Variants in ZNF608 observed in about 807,000 individuals in gnomAD.
ZNF608 encodes zinc finger protein 608.
A neutral mutation model predicts 109.0 loss-of-function variants in ZNF608; 12 were observed. The observed-to-expected ratio is 0.11, with a 90% CI of 0.07 to 0.18. ZNF608 has a LOEUF of 0.18. Among genes scored for constraint, ZNF608 ranks in the 10% least tolerant of loss-of-function variants. The pLI is 1.00. For synonymous variants in ZNF608, 732 were observed against 717.4 expected, an observed-to-expected ratio of 1.02 and a Z score of -0.33; for missense variants, 1,707 against 1,879.3, an observed-to-expected ratio of 0.91 and a Z score of 1.70.
chr5:124,718,603 T>A (rs1753793350), intron 2 of ZNF608, among the ~76,000 whole-genome samples: 1 of 152,160 alleles, frequency 6.6e-6, no homozygotes, highest in African/African-American at 2.4e-5. Flanking sequence ...CAAGCTCACA[T>A]CAAAAAGAAT....
intron 2 of ZNF608, among the ~76,000 whole-genome samples, chr5:124,741,330 T>G (rs1386913053): frequency 6.9e-6 from 1 of 144,730 alleles, no homozygotes; most frequent in Non-Finnish European, 1.5e-5. Flanking sequence ...CATTTAAGCA[T>G]GCATGCTATG....
At chr5:124,684,103 C>G (rs1300284298) in intron 3 of ZNF608, among the ~76,000 whole-genome samples, 2 of 152,226 alleles carry the variant, frequency 1.3e-5, no homozygotes. Context: ...GTCATGGCTA[C>G]TCATTCAACA....
At chr5:124,715,695 T>A (rs1439375246) in intron 2 of ZNF608, among the ~76,000 whole-genome samples, 1 of 152,248 alleles carries the variant, frequency 6.6e-6, no homozygotes, top group East Asian at 1.9e-4. Context: ...ACAGAAAATA[T>A]TATTTTTAAG....
chr5:124,688,746 A>G (rs1319263294), intron 3 of ZNF608, among the ~76,000 whole-genome samples: 1 of 152,218 alleles, frequency 6.6e-6, no homozygotes, highest in Non-Finnish European at 1.5e-5. Context: ...AAGCAATGTA[A>G]ATATCCATTG....
At chr5:124,660,149 C>G (rs1477353118) in intron 3 of ZNF608, among the ~76,000 whole-genome samples, 1 of 151,344 alleles carries the variant, frequency 6.6e-6, no homozygotes, top group Non-Finnish European at 1.5e-5. Context: ...CAGCCGAAAA[C>G]AGAAGAACTG....
At chr5:124,691,507 G>T (rs1580633001) in intron 3 of ZNF608, among the ~76,000 whole-genome samples, 1 of 152,148 alleles carries the variant, frequency 6.6e-6, no homozygotes, top group Non-Finnish European at 1.5e-5. Context: ...ACTGAAATCA[G>T]GATCTTGAAG....
At chr5:124,674,507 C>T (rs1751854730) in intron 3 of ZNF608, among the ~76,000 whole-genome samples, 1 of 152,134 alleles carries the variant, frequency 6.6e-6, no homozygotes, top group Non-Finnish European at 1.5e-5. Flanking sequence ...CAAACTAACT[C>T]ATTAAAAAAA....
Position 124,637,845 on chromosome 5 carries a change from A to G in ZNF608, c.*55T>C. ...TTAACACCATGGAACTGATGTCTGT[A>G]TAAAGCGCTTCCCCATGTGATCCAG... On this transcript the variant is annotated 3_prime_UTR_variant, in exon 10 of 10. Transcript: ENST00000513986. The G allele has an allele frequency of 6.3e-7, 1 of 1,591,890 alleles. No individual in the cohort carries two copies. The highest frequency in any genetic ancestry group is 8.6e-7 in the Non-Finnish European group (1 of 1,166,250).
chr5:124,731,934 T>C (rs1305454117), intron 2 of ZNF608, among the ~76,000 whole-genome samples: 1 of 152,152 alleles, frequency 6.6e-6, no homozygotes, highest in African/African-American at 2.4e-5. Context: ...GAATGAGCAA[T>C]GGCACATTAA....
intron 2 of ZNF608, chr5:124,735,268 G>A (rs1749091433): frequency 6.6e-6 from 1 of 152,234 alleles, no homozygotes; most frequent in Admixed American, 6.5e-5. Context: ...CTAGAAGCTG[G>A]AGCAAATGAA....
intron 1 of ZNF608, 182 bp downstream of exon 1, chr5:124,746,013 A>T: frequency 2.4e-6 from 1 of 424,430 alleles, no homozygotes; most frequent in Non-Finnish European, 3.2e-6. Context: ...AAAACTGATT[A>T]AGACATACAC....
intron 2 of ZNF608, among the ~76,000 whole-genome samples, chr5:124,732,601 C>G (rs1748959478): frequency 6.6e-6 from 1 of 151,828 alleles, no homozygotes; most frequent in Non-Finnish European, 1.5e-5. Context: ...TGCTTTTCCC[C>G]CTCCAAAACT....
At chr5:124,689,653 C>G (rs1306381452) in intron 3 of ZNF608, among the ~76,000 whole-genome samples, 3 of 152,314 alleles carry the variant, frequency 2.0e-5, no homozygotes, top group Non-Finnish European at 4.4e-5. Context: ...AGAGGCTCCA[C>G]ATCATAAATT....
Position 124,686,343 on chromosome 5 carries a change from C to A in ZNF608, c.1162+14671G>T, listed in dbSNP as rs73296676. 7.2e-3 allele frequency among the ~76,000 whole-genome samples: 1,098 copies of A among 152,264 alleles called. 16 individuals carry two copies. The highest frequency in any genetic ancestry group is 0.024 in the African/African-American group (1,014 of 41,536). ...AGTTCAACATGGTGCTACTGCTTTG[C>A]CATGAAGATTGTCCTGGTTCCTGGT... is the stretch of plus-strand genomic sequence containing the variant. On this transcript the variant is annotated intron_variant, in intron 3 of 9. Transcript: ENST00000513986.
In ZNF608 at chr5:124,728,373, G is replaced by C. The variant is rs939455903; in HGVS notation, c.906+15711C>G. On this transcript the variant is annotated intron_variant, in intron 2 of 9. Coordinates refer to ENST00000513986, the MANE Select transcript of ZNF608 (RefSeq NM_020747.3). ...TATTTTCAGGAGGAATTTAGCCAAGGGGATCAAAGCAAAGATCACCTCTGC... is the reference window on the plus strand; with the variant it reads ...TATTTTCAGGAGGAATTTAGCCAAGCGGATCAAAGCAAAGATCACCTCTGC... Among the ~76,000 whole-genome samples, 3 of 152,170 alleles carry C rather than the reference G, an allele frequency of 2.0e-5. No homozygotes were observed. In the South Asian group the frequency reaches 6.2e-4, roughly 32 times the overall value.
chr5:124,722,815 G>A (rs752434863), intron 2 of ZNF608, among the ~76,000 whole-genome samples: 2 of 152,056 alleles, frequency 1.3e-5, no homozygotes, highest in African/African-American at 4.8e-5. Flanking sequence ...TTGTGGAAAT[G>A]AAAACAATTA....
At chr5:124,743,905 A>C (rs1749526670) in intron 2 of ZNF608, among the ~76,000 whole-genome samples, 179 bp downstream of exon 2, 1 of 152,164 alleles carries the variant, frequency 6.6e-6, no homozygotes, top group Non-Finnish European at 1.5e-5. Context: ...GCAAGAGCCA[A>C]ACACTGCACC....
intron 9 of ZNF608, chr5:124,638,732 C>A: frequency 5.6e-6 from 3 of 536,306 alleles, no homozygotes; most frequent in Non-Finnish European, 7.6e-6. Flanking sequence ...AAATCATTTT[C>A]CTTCATAAAA....
intron 2 of ZNF608, among the ~76,000 whole-genome samples, chr5:124,727,301 T>A (rs1748651807): frequency 6.6e-6 from 1 of 152,240 alleles, no homozygotes; most frequent in Non-Finnish European, 1.5e-5. Flanking sequence ...TCACTGCTTA[T>A]ACAGGCTGTA....
Sources: gnomAD v4.1 joint callset for allele counts (sites outside exome capture counted in the v4.1 genomes callset) on GRCh38, gnomAD v4.1.1 for gene constraint, MANE v1.5 for transcripts, NCBI Gene and HGNC (gene_info 2026-07-23, HGNC 2026-07-21) for gene names.